FMN1: variants seen among roughly 807,000 people sequenced by gnomAD.
FMN1 encodes formin 1, also known as formin-1.
A neutral mutation model predicts 132.4 loss-of-function variants in FMN1; 110 were observed. The observed-to-expected ratio is 0.83, with a 90% confidence interval of 0.71 to 0.97. FMN1 has a LOEUF of 0.97. FMN1 is among the 50% of genes least tolerant of loss of function. The pLI, the probability that FMN1 is intolerant of heterozygous loss-of-function variation, is 0.00. For missense variants in FMN1, 1,792 were observed against 1,705.3 expected (o/e 1.05, Z -0.90); for synonymous variants, 722 against 651.7 (o/e 1.11, Z -1.64).
chr15:33,006,232 C>G (rs775701980), intron 7 of FMN1, among the ~76,000 whole-genome samples: 1 of 152,024 alleles, frequency 6.6e-6, no homozygotes, highest in African/African-American at 2.4e-5. Flanking sequence ...AGCAAATAAT[C>G]TGAAAATACA....
At chr15:32,940,082 A>T (rs1486983492) in intron 9 of FMN1, among the ~76,000 whole-genome samples, 1 of 152,182 alleles carries the variant, frequency 6.6e-6, no homozygotes, top group East Asian at 1.9e-4. Flanking sequence ...GGTTCCCAAC[A>T]ATATCACAAT....
At chr15:32,990,495 T>C (rs1004360190) in intron 7 of FMN1, among the ~76,000 whole-genome samples, 24 of 152,164 alleles carry the variant, frequency 1.6e-4, no homozygotes, top group African/African-American at 5.8e-4. Context: ...GTAAGATAAT[T>C]TGCTACAAGT....
At chr15:32,916,679 T>C (rs971041511) in intron 10 of FMN1, among the ~76,000 whole-genome samples, 2 of 152,254 alleles carry the variant, frequency 1.3e-5, no homozygotes, top group East Asian at 1.9e-4. Flanking sequence ...ACAAAGCGGG[T>C]ATGTAATAAT....
chr15:33,119,917 A>C (rs1248750218), intron 4 of FMN1, among the ~76,000 whole-genome samples: 1 of 152,226 alleles, frequency 6.6e-6, no homozygotes, highest in African/African-American at 2.4e-5. Context: ...TTGTGTTTAT[A>C]TTGTGTCTTC....
At chr15:32,946,119 G>C (rs1236709667) in intron 9 of FMN1, among the ~76,000 whole-genome samples, 2 of 152,134 alleles carry the variant, frequency 1.3e-5, no homozygotes, top group Non-Finnish European at 2.9e-5. Flanking sequence ...TATTTTAGTA[G>C]ATATTTTAGA....
chr15:32,815,675 C>A (rs1200419464), intron 17 of FMN1, among the ~76,000 whole-genome samples: 6 of 152,162 alleles, frequency 3.9e-5, no homozygotes, highest in Non-Finnish European at 7.3e-5. Context: ...GTCCCCTTCC[C>A]TTCACCAGCC....
At chr15:33,041,763 TATAA>T (rs2141122585) in intron 6 of FMN1, among the ~76,000 whole-genome samples, 1 of 152,120 alleles carries the variant, frequency 6.6e-6, no homozygotes, top group Non-Finnish European at 1.5e-5. Flanking sequence ...TTGGCAGAAA[TATAA>T]ATGAGGGAAG....
At chr15:32,975,634 T>A (rs979122941) in intron 7 of FMN1, among the ~76,000 whole-genome samples, 2 of 149,470 alleles carry the variant, frequency 1.3e-5, no homozygotes, top group African/African-American at 4.9e-5. Flanking sequence ...AACATCCAAA[T>A]TTTTTTTTTA....
intron 5 of FMN1, among the ~76,000 whole-genome samples, chr15:33,075,927 A>C (rs1173017916): frequency 6.6e-6 from 1 of 152,244 alleles, no homozygotes; most frequent in African/African-American, 2.4e-5. Context: ...AAGATTACAG[A>C]CATGAAAATC....
chr15:33,004,457 CATCAGAG>C (rs1236895052), intron 7 of FMN1, among the ~76,000 whole-genome samples: 1 of 152,180 alleles, frequency 6.6e-6, no homozygotes, highest in Non-Finnish European at 1.5e-5. Flanking sequence ...CATCACTGGC[CATCAGAG>C]AAATGCAAAG....
intron 4 of FMN1, among the ~76,000 whole-genome samples, chr15:33,108,410 TAAG>T (rs1185144539): frequency 6.6e-6 from 1 of 151,962 alleles, no homozygotes; most frequent in Non-Finnish European, 1.5e-5. Context: ...TAATGGCACA[TAAG>T]AAGAGAAAAT....
chr15:33,013,681 A>T (rs1400822283), intron 6 of FMN1, among the ~76,000 whole-genome samples: 2 of 152,220 alleles, frequency 1.3e-5, no homozygotes, highest in Non-Finnish European at 2.9e-5. Flanking sequence ...ATCTGAATTC[A>T]TAAAATAAGA....
chr15:32,829,134 C>G (rs910214561), intron 17 of FMN1, among the ~76,000 whole-genome samples: 1 of 152,154 alleles, frequency 6.6e-6, no homozygotes, highest in Admixed American at 6.5e-5. Flanking sequence ...AACTCCAGCC[C>G]AAATGAAGCA....
intron 5 of FMN1, among the ~76,000 whole-genome samples, chr15:33,084,298 TAGTC>T (rs1351406775): frequency 5.9e-5 from 9 of 152,198 alleles, no homozygotes; most frequent in Non-Finnish European, 1.0e-4. Context: ...GTAACAGTAA[TAGTC>T]AGTAAATTGT....
chr15:32,967,928 G>C (rs1441924636), intron 8 of FMN1, among the ~76,000 whole-genome samples: 1 of 152,236 alleles, frequency 6.6e-6, no homozygotes, highest in African/African-American at 2.4e-5. Flanking sequence ...GTGGTCAAGA[G>C]ACAACTTAAG....
intron 17 of FMN1, among the ~76,000 whole-genome samples, chr15:32,822,399 G>A (rs2141110906): frequency 6.6e-6 from 1 of 152,204 alleles, no homozygotes; most frequent in Middle Eastern, 3.4e-3. Flanking sequence ...AATCTTTCTA[G>A]GCTCTGCGTT....
At chr15:33,031,541 G>T (rs2035938456) in intron 6 of FMN1, among the ~76,000 whole-genome samples, 1 of 152,146 alleles carries the variant, frequency 6.6e-6, no homozygotes, top group South Asian at 2.1e-4. Flanking sequence ...TAAACCTTTA[G>T]CAATATGTAC....
At chr15:32,925,452 T>C (rs347952) in intron 10 of FMN1, among the ~76,000 whole-genome samples, 67,072 of 151,978 alleles carry the variant, frequency 0.44, 15,540 homozygotes, top group African/African-American at 0.58. Flanking sequence ...AATAAAAACA[T>C]AGCAGCATCA....
At chr15:32,787,315 C>A (rs982716818) in intron 19 of FMN1, among the ~76,000 whole-genome samples, 1 of 152,090 alleles carries the variant, frequency 6.6e-6, no homozygotes, top group Non-Finnish European at 1.5e-5. Flanking sequence ...GAATGGGTAA[C>A]CCCAAGTTCA....
Sources: gnomAD v4.1 joint callset for allele counts (sites outside exome capture counted in the v4.1 genomes callset) on GRCh38, gnomAD v4.1.1 for gene constraint, MANE v1.5 for transcripts, NCBI Gene and HGNC (gene_info 2026-07-23, HGNC 2026-07-21) for gene names.